The following PDPR variants were observed in gnomAD, a reference collection of about 807,000 sequenced individuals.
PDPR encodes pyruvate dehydrogenase phosphatase regulatory subunit, mitochondrial.
A neutral mutation model predicts 102.2 loss-of-function variants in PDPR; 50 were observed. The ratio of observed to expected loss-of-function variants is 0.49; its 90% CI spans 0.39 to 0.62. The LOEUF (loss-of-function observed/expected upper bound fraction) is 0.62, where lower values mean the gene tolerates loss of function less well. Ranked by LOEUF, PDPR falls within the 20% of genes least tolerant of loss-of-function variation. The pLI is 0.00. For synonymous variants in PDPR, 259 were observed against 406.0 expected (o/e 0.64, Z 4.35); for missense variants, 625 against 1,098.2 (o/e 0.57, Z 6.09).
chr16:70,162,762 TCTGCCTA>T (rs1444025889), downstream of PDPR, among the ~76,000 whole-genome samples: 1 of 152,268 alleles, frequency 6.6e-6, no homozygotes, highest in East Asian at 1.9e-4. Context: ...CGACCGGCCT[TCTGCCTA>T]CAGCTGACCT....
chr16:70,158,284 T>A lies in PDPR; in HGVS notation c.*1405T>A, dbSNP rs1348251498. On this transcript the variant is annotated 3_prime_UTR_variant, in exon 19 of 19. Transcript: ENST00000288050. Reference sequence around the variant, plus strand: ...TGCATATCAACTGCCCTAATCTGACTTTTTTTAAGTGCAAATAAACTGCTA... The same window carrying A: ...TGCATATCAACTGCCCTAATCTGACATTTTTTAAGTGCAAATAAACTGCTA... 1 of 152,418 alleles carries A rather than the reference T, an allele frequency of 6.6e-6. No homozygotes were observed. Among genetic ancestry groups the A allele is most frequent in the Non-Finnish European group, 1.5e-5 (1 of 68,132 alleles). 9.4% of individuals were successfully genotyped at this position (152,418 alleles called of 1,614,324 possible). A position where few individuals can be genotyped will look rare whatever the true frequency, so the allele number is the denominator to read the frequency against.
chr16:70,129,089 G>C lies in PDPR; in HGVS notation c.574G>C (p.Ala192Pro). 6.2e-7 allele frequency: 1 copy of C among 1,613,894 alleles called. No individual in the cohort carries two copies. Among genetic ancestry groups the C allele is most frequent in the South Asian group, 1.1e-5 (1 of 91,084 alleles). Residue 192 changes from alanine to proline, a missense_variant, in exon 6 of 19, where the codon GCT becomes CCT. By Grantham distance (27) the Ala-to-Pro change is conservative. Coordinates refer to ENST00000288050, the MANE Select transcript of PDPR (RefSeq NM_017990.5). Reference protein sequence around the residue: ...EDAVVSSADVALALASAASQN... With the variant: ...EDAVVSSADVPLALASAASQN... ...TGCAGTGGTGTCTTCCGCTGACGTG[G>C]CTCTTGCCCTGGCAAGTGCTGCCTC... is the stretch of plus-strand genomic sequence containing the variant.
intron 18 of PDPR, among the ~76,000 whole-genome samples, chr16:70,154,938 C>T (rs923968738): frequency 1.3e-5 from 2 of 152,198 alleles, no homozygotes; most frequent in African/African-American, 4.8e-5. Context: ...CACACCCGGC[C>T]TAATTTTTTT....
At chr16:70,128,292 A>T (rs1272982552) in intron 4 of PDPR, among the ~76,000 whole-genome samples, 20 of 152,212 alleles carry the variant, frequency 1.3e-4, no homozygotes, top group Non-Finnish European at 2.6e-4. Flanking sequence ...CAGTGGTGCA[A>T]TTTTGACCCA....
intron 17 of PDPR, among the ~76,000 whole-genome samples, chr16:70,151,262 G>T (rs1597376716): frequency 6.6e-6 from 1 of 152,316 alleles, no homozygotes; most frequent in East Asian, 1.9e-4. Context: ...AGCTTTGAGA[G>T]TCTCAATATG....
At chr16:70,150,258 C>A (rs1293801109) in intron 17 of PDPR, among the ~76,000 whole-genome samples, 1 of 152,166 alleles carries the variant, frequency 6.6e-6, no homozygotes, top group African/African-American at 2.4e-5. Flanking sequence ...CGCCTGCCAC[C>A]ACACCCGACT....
At chr16:70,117,946 A>G (rs1962815291) in intron 2 of PDPR, among the ~76,000 whole-genome samples, 1 of 151,978 alleles carries the variant, frequency 6.6e-6, no homozygotes, top group African/African-American at 2.4e-5. Context: ...TACAAAAAGT[A>G]ACTGGGCGTG....
At chr16:70,126,881 G>A (rs560060969) in intron 3 of PDPR, among the ~76,000 whole-genome samples, 14 of 152,188 alleles carry the variant, frequency 9.2e-5, no homozygotes, top group African/African-American at 3.1e-4. Flanking sequence ...TTCTCACCCT[G>A]TTGCCCAAGC....
intron 17 of PDPR, among the ~76,000 whole-genome samples, chr16:70,151,333 T>G (rs1966725447): frequency 2.0e-5 from 3 of 152,270 alleles, no homozygotes. Context: ...CCTCCCAAAG[T>G]GTTGGGATTA....
chr16:70,124,304 A>G (rs1281817825), intron 3 of PDPR, among the ~76,000 whole-genome samples: 2 of 152,284 alleles, frequency 1.3e-5, no homozygotes, highest in Admixed American at 6.5e-5. Context: ...CAGAGATTGC[A>G]GTGAGCCAAG....
At chr16:70,128,401 T>C (rs1224537766) in intron 4 of PDPR, among the ~76,000 whole-genome samples, 1 of 152,232 alleles carries the variant, frequency 6.6e-6, no homozygotes, top group African/African-American at 2.4e-5. Context: ...CTAATTTTTA[T>C]ATTTTTAGTA....
chr16:70,148,350 T>G, intron 16 of PDPR, 114 bp from the exon 17 acceptor site: 1 of 842,156 alleles, frequency 1.2e-6, no homozygotes, highest in Non-Finnish European at 2.0e-6. Flanking sequence ...CCTTGACGTC[T>G]GTCTCCCTCA....
intron 12 of PDPR, 67 bp downstream of exon 12, chr16:70,142,456 T>C (rs767543789): frequency 6.2e-7 from 1 of 1,613,232 alleles, no homozygotes; most frequent in African/African-American, 1.3e-5. Flanking sequence ...ATAAAACATA[T>C]TTTCAAATGC....
chr16:70,137,243 C>G (rs1965244032), intron 10 of PDPR, among the ~76,000 whole-genome samples: 1 of 152,168 alleles, frequency 6.6e-6, no homozygotes. Flanking sequence ...GTGGTCCCAG[C>G]TACTCGGGAG....
At chr16:70,141,507 C>A (rs1336732862) in intron 11 of PDPR, among the ~76,000 whole-genome samples, 1 of 152,274 alleles carries the variant, frequency 6.6e-6, no homozygotes, top group African/African-American at 2.4e-5. Context: ...ATGTCTGTAA[C>A]AGGTCTGAGA....
At chr16:70,127,867 C>A (rs1427506277) in intron 4 of PDPR, among the ~76,000 whole-genome samples, 5 of 152,070 alleles carry the variant, frequency 3.3e-5, no homozygotes, top group Non-Finnish European at 7.3e-5. Flanking sequence ...CAGGAGGCTG[C>A]CAGCTGGAGG....
rs370409033 is a variant in PDPR, at chr16:70,152,164, C to G, written c.2053-1227C>G. On this transcript the variant is annotated intron_variant, in intron 17 of 18. Coordinates refer to ENST00000288050, the MANE Select transcript of PDPR (RefSeq NM_017990.5). ...CCCACCTTGGCTGATTCAGGTGTTT[C>G]CCTTACACACATACCACAGGCGAGT... Among the ~76,000 whole-genome samples the G allele has an allele frequency of 6.6e-5, 10 of 152,394 alleles. No individual in the cohort carries two copies. The East Asian group carries it at 1.5e-3, about 24-fold the overall frequency.
chr16:70,120,660 T>C lies in PDPR; in HGVS notation c.168T>C (p.Ser56=). 6.2e-7 allele frequency: 1 copy of C among 1,613,890 alleles called. No homozygotes were observed. The highest frequency in any genetic ancestry group is 8.5e-7 in the Non-Finnish European group (1 of 1,179,814). The part of the protein sequence containing the change: ...VICGGGITGT[S]VAYHLSKMGW... ...GTGGAGGTGGAATCACGGGCACTTC[T>C]GTGGCCTATCACCTCTCCAAAATGG... Residue 56 remains serine (S), a synonymous_variant, in exon 3 of 19, where the codon TCT becomes TCC. Transcript: ENST00000288050.
chr16:70,141,857 C>T (rs1408005957), intron 11 of PDPR, among the ~76,000 whole-genome samples: 2 of 152,378 alleles, frequency 1.3e-5, no homozygotes, highest in Admixed American at 6.5e-5. Flanking sequence ...CCCAGCACTT[C>T]GGGAGGCTGG....
Sources: allele counts gnomAD v4.1 joint callset (sites outside exome capture counted in the v4.1 genomes callset), GRCh38; gene constraint gnomAD v4.1.1; transcripts MANE v1.5; gene names NCBI Gene and HGNC (gene_info 2026-07-23, HGNC 2026-07-21).